Variants in OSMR observed in about 807,000 individuals in gnomAD.
OSMR encodes oncostatin-M-specific receptor subunit beta.
In OSMR, 81 loss-of-function variants were observed where a neutral mutation model predicts 99.9. The ratio of observed to expected loss-of-function variants is 0.81; its 90% CI spans 0.68 to 0.97. OSMR has a LOEUF of 0.97. Among genes scored for constraint, OSMR ranks in the 50% least tolerant of loss-of-function variants. The pLI, the probability that OSMR is intolerant of heterozygous loss-of-function variation, is 0.00. For synonymous variants in OSMR, 406 were observed against 410.4 expected, an observed-to-expected ratio of 0.99 and a Z score of 0.13; for missense variants, 1,099 against 1,153.4, an observed-to-expected ratio of 0.95 and a Z score of 0.68.
intron 2 of OSMR, among the ~76,000 whole-genome samples, chr5:38,874,804 C>G (rs1045583057): frequency 2.6e-4 from 39 of 152,152 alleles, no homozygotes; most frequent in Non-Finnish European, 8.8e-5. Context: ...GTTATTTACC[C>G]TGATTGAGCT....
Position 38,933,562 on chromosome 5 carries a change from T to TA in OSMR, c.*119dup, listed in dbSNP as rs1746884111. On this transcript the variant is annotated 3_prime_UTR_variant, in exon 18 of 18. Coordinates refer to ENST00000274276, the MANE Select transcript of OSMR (RefSeq NM_003999.3). The stretch of plus-strand genomic sequence containing the variant: ...CAGTACGATTTGCAGGTCTGGTTTA[T>TA]ATAAGACCACTACAGTCTGGCTAGG... 2.7e-6 allele frequency: 3 copies of TA among 1,120,146 alleles called. No individual in the cohort carries two copies. In the East Asian group the frequency reaches 7.3e-5, roughly 27 times the overall value. The allele number at this position is 1,120,146 out of a possible 1,614,324, so 69.4% of individuals were successfully genotyped here.
At chr5:38,929,732 A>G (rs1282344629) in intron 15 of OSMR, among the ~76,000 whole-genome samples, 1 of 152,210 alleles carries the variant, frequency 6.6e-6, no homozygotes, top group Admixed American at 6.5e-5. Flanking sequence ...AAATGCCTAC[A>G]TAAACCCTAA....
At position 38,903,963 on chromosome 5, in the gene OSMR, T is replaced by C. The variant is rs1177071487; in HGVS notation, c.1073T>C (p.Ile358Thr). The C allele has an allele frequency of 6.2e-6, 10 of 1,614,046 alleles. No homozygotes were observed. The highest frequency in any genetic ancestry group is 8.5e-6 in the Non-Finnish European group (10 of 1,179,954). ...ATCATGACCTGGAAGGTGCACTCCA[T>C]AAGGAATAATTTCACATATTTGTGT... is the stretch of plus-strand genomic sequence containing the variant. The part of the protein sequence containing the change: ...NAIMTWKVHS[I>T]RNNFTYLCQI... Residue 358 changes from isoleucine (I) to threonine (T), a missense_variant, in exon 8 of 18, where the codon ATA (isoleucine) becomes ACA (threonine). Physicochemically the swap from Ile to Thr is moderately conservative, Grantham distance 89 (BLOSUM62 -1). Transcript: ENST00000274276.
chr5:38,863,813 T>C (rs143444004), intron 1 of OSMR, among the ~76,000 whole-genome samples: 252 of 152,316 alleles, frequency 1.7e-3, no homozygotes, highest in African/African-American at 4.3e-3. Flanking sequence ...GATTTAGTAA[T>C]ATTTGCTTTA....
At chr5:38,944,899 A>C (rs1266773177) in intron 2 of OSMR, 1 of 1,611,156 alleles carries the variant, frequency 6.2e-7, no homozygotes, top group Non-Finnish European at 8.5e-7. Flanking sequence ...TTGGATTTGA[A>C]TCTGAAGACT....
Position 38,893,455 on chromosome 5 carries a change from A to G in OSMR, c.991+7265A>G, listed in dbSNP as rs1328577633. 3.9e-5 allele frequency among the ~76,000 whole-genome samples: 6 copies of G among 152,352 alleles called. 1 individual carries two copies. The South Asian group carries it at 8.3e-4, about 21-fold the overall frequency. Reference sequence around the variant, plus strand: ...AGAAACTTCTAAGTCAGTCCAGGAAATGAAAAAAGAGAAACATCTTGAAAA... The same window carrying G: ...AGAAACTTCTAAGTCAGTCCAGGAAGTGAAAAAAGAGAAACATCTTGAAAA... On this transcript the variant is annotated intron_variant, in intron 7 of 17. Coordinates refer to ENST00000274276, the MANE Select transcript of OSMR (RefSeq NM_003999.3).
At chr5:38,924,367 T>C in intron 13 of OSMR, 55 bp from the exon 14 acceptor site, 1 of 1,612,148 alleles carries the variant, frequency 6.2e-7, no homozygotes, top group East Asian at 2.2e-5. Flanking sequence ...GACATGAATA[T>C]TCTGAGACTG....
intron 3 of OSMR, among the ~76,000 whole-genome samples, chr5:38,877,590 T>C (rs1039392382): frequency 6.6e-6 from 1 of 152,208 alleles, no homozygotes; most frequent in South Asian, 2.1e-4. Flanking sequence ...TTTTAATGGG[T>C]ACACTTGTTG....
downstream of OSMR, chr5:38,945,354 T>C: frequency 1.6e-6 from 1 of 642,620 alleles, no homozygotes; most frequent in Non-Finnish European, 2.7e-6. Context: ...CAGCATAACA[T>C]AATTTGGCAT....
intron 11 of OSMR, among the ~76,000 whole-genome samples, chr5:38,920,503 T>C (rs1746178665): frequency 1.3e-5 from 2 of 152,204 alleles, no homozygotes; most frequent in Non-Finnish European, 2.9e-5. Context: ...GAGGGGCATT[T>C]GTCTGCTTGA....
intron 1 of OSMR, among the ~76,000 whole-genome samples, chr5:38,858,317 CTTTT>C (rs79742677): frequency 2.9e-5 from 4 of 139,694 alleles, no homozygotes; most frequent in Admixed American, 7.2e-5. Context: ...ATGAGATCCA[CTTTT>C]TTTTTTTTTT....
rs534533482 is a variant in OSMR, at chr5:38,885,475, T to C, written c.830T>C (p.Leu277Ser). 3.7e-6 allele frequency: 6 copies of C among 1,613,946 alleles called. No homozygotes were observed. The highest frequency in any genetic ancestry group is 5.1e-6 in the Non-Finnish European group (6 of 1,179,946). ...WSKQPSQSYT[L>S]FESFSGEKKL... Reference sequence around the variant, plus strand: ...AAACAACCTTCCCAAAGCTACACTTTATTTGAATCGTAAGTTGGCTCTGGT... The same window carrying C: ...AAACAACCTTCCCAAAGCTACACTTCATTTGAATCGTAAGTTGGCTCTGGT... Residue 277 changes from leucine (L) to serine (S), a missense_variant, in exon 6 of 18, where the codon TTA becomes TCA. Physicochemically the swap from Leu to Ser is moderately radical, Grantham distance 145. Coordinates refer to ENST00000274276, the MANE Select transcript of OSMR (RefSeq NM_003999.3).
In OSMR at chr5:38,903,282, C is replaced by T. The variant is rs376164664; in HGVS notation, c.992-600C>T. Reference sequence around the variant, plus strand: ...TTATTGCTGCTGGTCCCCAAGGCTGCGGAGAGCTGCCCAGGGCAAACAGAA... The same window carrying T: ...TTATTGCTGCTGGTCCCCAAGGCTGTGGAGAGCTGCCCAGGGCAAACAGAA... On this transcript the variant is annotated intron_variant, in intron 7 of 17. Transcript: ENST00000274276. Among the ~76,000 whole-genome samples, 4 of 152,330 alleles carry T rather than the reference C, an allele frequency of 2.6e-5. No homozygotes were observed. The East Asian group carries it at 5.8e-4, about 22-fold the overall frequency.
At chr5:38,902,229 G>A (rs1744941439) in intron 7 of OSMR, among the ~76,000 whole-genome samples, 1 of 152,232 alleles carries the variant, frequency 6.6e-6, no homozygotes, top group African/African-American at 2.4e-5. Flanking sequence ...GAGCTTAGGT[G>A]GCAGGCGGAA....
rs1001957209 is a variant in OSMR, at chr5:38,944,628, C to T, written c.*86+309C>T. The stretch of plus-strand genomic sequence containing the variant: ...CTATGTCACAATAAAATGATTAAAA[C>T]TCATGAAATTTATTTTTAAACTTCA... On this transcript the variant is annotated intron_variant and NMD_transcript_variant, in intron 2 of 2. Transcript: ENST00000508882. 10 of 1,408,602 alleles carry T rather than the reference C, an allele frequency of 7.1e-6. No individual in the cohort carries two copies. In the Admixed American group the frequency reaches 2.1e-4, roughly 29 times the overall value. 87.3% of individuals were successfully genotyped at this position (1,408,602 alleles called of 1,614,324 possible). A position where few individuals can be genotyped will look rare whatever the true frequency, so the allele number is the denominator to read the frequency against.
intron 1 of OSMR, among the ~76,000 whole-genome samples, chr5:38,849,235 G>T (rs1561324325): frequency 6.6e-6 from 1 of 152,198 alleles, no homozygotes; most frequent in Non-Finnish European, 1.5e-5. Flanking sequence ...CTGAGGAGAG[G>T]TATTCCTGTG....
chr5:38,896,397 T>C (rs1744521749), intron 7 of OSMR, among the ~76,000 whole-genome samples: 1 of 152,088 alleles, frequency 6.6e-6, no homozygotes, highest in Non-Finnish European at 1.5e-5. Flanking sequence ...TATTTAATTT[T>C]ACTTGTTGCT....
rs544518464 is a variant in OSMR at position 38,895,077 on chromosome 5, ATC to A, written c.992-8801_992-8800del. Among the ~76,000 whole-genome samples the A allele has an allele frequency of 1.1e-3, 169 of 152,276 alleles. 1 individual carries two copies. Among genetic ancestry groups the A allele is most frequent in the East Asian group, 7.1e-3 (37 of 5,182 alleles). ...AAAAACAGAGACATAACATACCAAA[ATC>A]TCTGTGATGCAGCAAAAGCAGTGTA... On this transcript the variant is annotated intron_variant, in intron 7 of 17. Coordinates refer to ENST00000274276, the MANE Select transcript of OSMR (RefSeq NM_003999.3).
At chr5:38,944,654 C>T (rs1747973888) in intron 2 of OSMR, 3 of 1,195,370 alleles carry the variant, frequency 2.5e-6, no homozygotes, top group Non-Finnish European at 3.5e-6. Context: ...TTAAACTTCA[C>T]CTAAAGACCT....
Sources: allele counts gnomAD v4.1 joint callset (sites outside exome capture counted in the v4.1 genomes callset), GRCh38; gene constraint gnomAD v4.1.1; transcripts MANE v1.5; gene names NCBI Gene and HGNC (gene_info 2026-07-23, HGNC 2026-07-21).